The following BICC1 variants were observed in gnomAD, a reference collection of about 807,000 sequenced individuals.
The protein encoded by BICC1 is protein bicaudal C homolog 1.
BICC1 carries 43 observed loss-of-function variants against 111.0 expected under a neutral mutation model. That is an observed-to-expected ratio of 0.39 (90% CI 0.30 to 0.50). The LOEUF (loss-of-function observed/expected upper bound fraction) is 0.50, where lower values mean the gene tolerates loss of function less well. Among genes scored for constraint, BICC1 ranks in the 20% least tolerant of loss-of-function variants. The probability of loss-of-function intolerance (pLI) is 0.88; values close to 1 mark genes in which losing one functional copy is unlikely to be tolerated. For synonymous variants in BICC1, 467 were observed against 434.4 expected, an observed-to-expected ratio of 1.07 and a Z score of -0.93; for missense variants, 1,091 against 1,203.2, an observed-to-expected ratio of 0.91 and a Z score of 1.38.
At chr10:58,617,679 G>A (rs903305533) in intron 1 of BICC1, among the ~76,000 whole-genome samples, 12 of 152,244 alleles carry the variant, frequency 7.9e-5, no homozygotes, top group Non-Finnish European at 1.3e-4. Flanking sequence ...TGACACCTAC[G>A]GTAATCTGCA....
Position 58,789,896 on chromosome 10 carries a change from C to T in BICC1, c.1010C>T (p.Thr337Ile). The change falls in exon 8 of 21, where the codon ACC becomes ATC. Residue 337 changes from threonine (T) to isoleucine (I), a missense_variant. Around this residue, in one of 3 missense-constraint regions of BICC1, gnomAD observed 843 missense variants for 900.8 expected, o/e 0.94. Transcript: ENST00000373886. Reference protein sequence around the residue: ...QKKSTVYLQGTIESVCLARQY... With the variant: ...QKKSTVYLQGIIESVCLARQY... ...AAATCTACCGTCTACCTCCAGGGCA[C>T]CATTGAGTCTGTCTGTCTTGCAAGG... is the stretch of plus-strand genomic sequence containing the variant. 1 of 1,614,152 alleles carries T rather than the reference C, an allele frequency of 6.2e-7. No individual in the cohort carries two copies. Among genetic ancestry groups the T allele is most frequent in the East Asian group, 2.2e-5 (1 of 44,864 alleles).
At chr10:58,762,416 A>G (rs1444234535) in intron 3 of BICC1, among the ~76,000 whole-genome samples, 1 of 152,308 alleles carries the variant, frequency 6.6e-6, no homozygotes, top group South Asian at 2.1e-4. Flanking sequence ...TATCTAAAGC[A>G]TATAGTGGTA....
At chr10:58,809,315 T>G (rs1843823373) in intron 17 of BICC1, among the ~76,000 whole-genome samples, 1 of 152,068 alleles carries the variant, frequency 6.6e-6, no homozygotes. Context: ...ATTACAGGTG[T>G]GAGGTTCTTT....
At chr10:58,762,277 A>T (rs1444252048) in intron 3 of BICC1, among the ~76,000 whole-genome samples, 1 of 152,192 alleles carries the variant, frequency 6.6e-6, no homozygotes, top group Non-Finnish European at 1.5e-5. Context: ...ACGAAAATGT[A>T]AGAAATGCCA....
At chr10:58,584,055 AACACACACACACACACACAC>A (rs140080926) in intron 1 of BICC1, among the ~76,000 whole-genome samples, 2 of 147,874 alleles carry the variant, frequency 1.4e-5, no homozygotes, top group Admixed American at 1.3e-4. Flanking sequence ...GTAAACATGA[AACACACACACACACACACAC>A]ACACACACAC....
Position 58,519,383 on chromosome 10 carries a change from A to G in BICC1, c.190+6050A>G, listed in dbSNP as rs111355199. Among the ~76,000 whole-genome samples, 774 of 152,234 alleles carry G rather than the reference A, an allele frequency of 5.1e-3. 4 individuals carry two copies. Among genetic ancestry groups the G allele is most frequent in the African/African-American group, 0.018 (738 of 41,532 alleles). ...GAATGTATCTTCTTTTTCCAGCCTC[A>G]CTAGTGGAAGTAGGCAAAGAAGAAG... On this transcript the variant is annotated intron_variant, in intron 1 of 20. Coordinates refer to ENST00000373886, the MANE Select transcript of BICC1 (RefSeq NM_001080512.3).
chr10:58,744,609 T>G (rs1485362635), intron 3 of BICC1, among the ~76,000 whole-genome samples: 1 of 152,154 alleles, frequency 6.6e-6, no homozygotes, highest in Admixed American at 6.6e-5. Flanking sequence ...GTTTAATATT[T>G]TATTTTATTA....
chr10:58,613,562 T>A (rs1444969370), intron 1 of BICC1, among the ~76,000 whole-genome samples: 1 of 152,178 alleles, frequency 6.6e-6, no homozygotes, highest in Admixed American at 6.5e-5. Context: ...CATATATATT[T>A]TTTTCTTCCG....
intron 1 of BICC1, among the ~76,000 whole-genome samples, chr10:58,584,551 A>G (rs1485459911): frequency 1.3e-5 from 2 of 152,286 alleles, no homozygotes; most frequent in African/African-American, 2.4e-5. Context: ...GGATGCTATT[A>G]CATAATTTGT....
intron 3 of BICC1, among the ~76,000 whole-genome samples, chr10:58,757,057 T>C (rs1178809666): frequency 6.6e-6 from 1 of 152,190 alleles, no homozygotes; most frequent in Non-Finnish European, 1.5e-5. Context: ...AAAGCCCTTT[T>C]ATTGTGCAGA....
At chr10:58,644,022 A>G (rs1319706741) in intron 2 of BICC1, among the ~76,000 whole-genome samples, 3 of 142,984 alleles carry the variant, frequency 2.1e-5, no homozygotes, top group Non-Finnish European at 4.8e-5. Context: ...AATCAGTTCT[A>G]AAAAAGTTAG....
intron 1 of BICC1, among the ~76,000 whole-genome samples, chr10:58,578,598 G>A (rs1483676452): frequency 1.3e-5 from 2 of 152,150 alleles, no homozygotes; most frequent in Non-Finnish European, 2.9e-5. Flanking sequence ...CCTGATGGCC[G>A]AAAACCTTGT....
chr10:58,698,603 C>T (rs1840135878), intron 2 of BICC1, among the ~76,000 whole-genome samples: 1 of 152,172 alleles, frequency 6.6e-6, no homozygotes, highest in Non-Finnish European at 1.5e-5. Context: ...TATCTTCTCC[C>T]TTGTTAGATT....
intron 3 of BICC1, among the ~76,000 whole-genome samples, chr10:58,767,429 G>C (rs1046135390): frequency 3.3e-5 from 5 of 152,092 alleles, no homozygotes; most frequent in Non-Finnish European, 7.4e-5. Context: ...ACTGGTGAAG[G>C]AGTTCCTCTC....
chr10:58,576,130 A>T (rs1375100722), intron 1 of BICC1, among the ~76,000 whole-genome samples: 1 of 152,194 alleles, frequency 6.6e-6, no homozygotes, highest in Non-Finnish European at 1.5e-5. Flanking sequence ...GTGTTTACAC[A>T]GTCCACAAAC....
chr10:58,783,103 A>T lies in BICC1; in HGVS notation c.308-1898A>T, dbSNP rs1017179783. Among the ~76,000 whole-genome samples the T allele has an allele frequency of 2.0e-5, 3 of 152,136 alleles. No individual in the cohort carries two copies. The South Asian group carries it at 6.2e-4, about 32-fold the overall frequency. ...GTTTTAACCACTCTTAAGACCTTTG[A>T]CCTTCACAGTGTCCCTGTGACAGGT... On this transcript the variant is annotated intron_variant, in intron 3 of 20. Transcript: ENST00000373886.
intron 1 of BICC1, among the ~76,000 whole-genome samples, chr10:58,591,312 G>A (rs1281786873): frequency 6.6e-6 from 1 of 152,154 alleles, no homozygotes; most frequent in East Asian, 1.9e-4. Context: ...CATTAGCATA[G>A]TAAAAACTAT....
At position 58,614,993 on chromosome 10, in the gene BICC1, C is replaced by T. The variant is rs577274583; in HGVS notation, c.191-5862C>T. Among the ~76,000 whole-genome samples, 64 of 151,488 alleles carry T rather than the reference C, an allele frequency of 4.2e-4. 1 individual carries two copies. The highest frequency in any genetic ancestry group is 2.3e-3 in the South Asian group (11 of 4,768). On this transcript the variant is annotated intron_variant, in intron 1 of 20. Coordinates refer to ENST00000373886, the MANE Select transcript of BICC1 (RefSeq NM_001080512.3). ...TGTCCTTATCTGCTACTTTCATTGC[C>T]ATGTGAAAGTGGGTATCATTGAGGG...
intron 2 of BICC1, among the ~76,000 whole-genome samples, chr10:58,664,556 A>G (rs1223159732): frequency 6.6e-6 from 1 of 152,080 alleles, no homozygotes; most frequent in Admixed American, 6.5e-5. Flanking sequence ...TTCTATACAG[A>G]CACATTGATA....
Sources: gnomAD v4.1 joint callset for allele counts (sites outside exome capture counted in the v4.1 genomes callset) on GRCh38, gnomAD v4.1.1 for gene constraint, gnomAD v4.1.1 regional missense constraint, MANE v1.5 for transcripts, NCBI Gene and HGNC (gene_info 2026-07-23, HGNC 2026-07-21) for gene names.